Variants in PARD3 observed in about 807,000 individuals in gnomAD.
The protein encoded by PARD3 is partitioning defective 3 homolog.
In PARD3, 75 loss-of-function variants were observed where a neutral mutation model predicts 155.4. The observed-to-expected ratio is 0.48, with a 90% CI of 0.40 to 0.58. The LOEUF is 0.58. PARD3 is among the 20% of genes least tolerant of loss of function. The pLI is 0.00. For synonymous variants in PARD3, 576 were observed against 610.5 expected (o/e 0.94, Z 0.83); for missense variants, 1,642 against 1,721.7 (o/e 0.95, Z 0.82).
At chr10:34,146,004 G>T (rs1377954607) in intron 22 of PARD3, among the ~76,000 whole-genome samples, 1 of 152,158 alleles carries the variant, frequency 6.6e-6, no homozygotes, top group Non-Finnish European at 1.5e-5. Context: ...CTTCCGAAGA[G>T]AATCTAGCAA....
intron 5 of PARD3, among the ~76,000 whole-genome samples, chr10:34,413,544 A>G (rs1401603986): frequency 1.3e-5 from 2 of 152,020 alleles, no homozygotes; most frequent in Non-Finnish European, 2.9e-5. Context: ...AATTTCTAAA[A>G]TAAGTCTCAT....
intron 22 of PARD3, among the ~76,000 whole-genome samples, chr10:34,250,999 T>C (rs998026297): frequency 1.3e-5 from 2 of 152,264 alleles, no homozygotes; most frequent in South Asian, 2.1e-4. Context: ...TCCTCTAATA[T>C]CATAAACCTC....
chr10:34,732,286 A>C (rs1448397120), intron 1 of PARD3, among the ~76,000 whole-genome samples: 1 of 152,234 alleles, frequency 6.6e-6, no homozygotes, highest in Non-Finnish European at 1.5e-5. Context: ...CAAAAGTAGT[A>C]AAATGGAGAC....
intron 2 of PARD3, among the ~76,000 whole-genome samples, chr10:34,575,890 C>T (rs2086846254): frequency 6.6e-6 from 1 of 152,006 alleles, no homozygotes; most frequent in Admixed American, 6.5e-5. Flanking sequence ...GAGTGAAACT[C>T]CGTCTCAAAA....
chr10:34,345,708 T>C (rs1589249918), intron 15 of PARD3: 3 of 985,400 alleles, frequency 3.0e-6, no homozygotes, highest in African/African-American at 3.5e-5. Context: ...ACGGTGTGAT[T>C]TGTCAAGTTT....
chr10:34,786,631 G>A (rs748032154), intron 1 of PARD3, among the ~76,000 whole-genome samples: 3 of 152,094 alleles, frequency 2.0e-5, no homozygotes, highest in Non-Finnish European at 4.4e-5. Flanking sequence ...AGAAAGAAAT[G>A]GAATGTGCCT....
At chr10:34,814,484 C>T (rs993950735) in intron 1 of PARD3, among the ~76,000 whole-genome samples, 4 of 152,054 alleles carry the variant, frequency 2.6e-5, no homozygotes, top group Admixed American at 6.5e-5. Flanking sequence ...GCCTGGGAGC[C>T]GGGAAAGGCC....
At chr10:34,120,150 G>A (rs1416957025) in intron 23 of PARD3, among the ~76,000 whole-genome samples, 2 of 149,068 alleles carry the variant, frequency 1.3e-5, no homozygotes, top group Non-Finnish European at 3.0e-5. Flanking sequence ...CCGAGTAACC[G>A]GGATTACAAG....
At chr10:34,622,278 C>G (rs754283828) in intron 2 of PARD3, among the ~76,000 whole-genome samples, 4 of 152,158 alleles carry the variant, frequency 2.6e-5, no homozygotes, top group Non-Finnish European at 5.9e-5. Flanking sequence ...CAGATTTATA[C>G]ATTTTGCATG....
chr10:34,761,874 G>T (rs1223646175), intron 1 of PARD3, among the ~76,000 whole-genome samples: 1 of 152,194 alleles, frequency 6.6e-6, no homozygotes, highest in African/African-American at 2.4e-5. Flanking sequence ...CAGGGAGGAT[G>T]ATGTGTCAAG....
chr10:34,557,124 T>C (rs757982014), intron 2 of PARD3, among the ~76,000 whole-genome samples: 3 of 152,160 alleles, frequency 2.0e-5, no homozygotes, highest in South Asian at 2.1e-4. Context: ...CCAGATAATA[T>C]TGACTCCATG....
At chr10:34,467,467 G>C (rs1328044477) in intron 4 of PARD3, among the ~76,000 whole-genome samples, 2 of 152,012 alleles carry the variant, frequency 1.3e-5, no homozygotes, top group African/African-American at 4.8e-5. Flanking sequence ...TAAAACAACA[G>C]GCTGGGCATG....
At chr10:34,560,532 T>A (rs998248870) in intron 2 of PARD3, among the ~76,000 whole-genome samples, 7 of 152,220 alleles carry the variant, frequency 4.6e-5, no homozygotes, top group Admixed American at 1.3e-4. Context: ...AACACATTTG[T>A]TTTTTGGTTC....
intron 2 of PARD3, among the ~76,000 whole-genome samples, chr10:34,602,239 CTTTTCAA>C (rs1439855390): frequency 1.3e-5 from 2 of 152,102 alleles, no homozygotes; most frequent in African/African-American, 4.8e-5. Context: ...ACACTTTTCA[CTTTTCAA>C]AAAAAATTTC....
intron 2 of PARD3, among the ~76,000 whole-genome samples, chr10:34,630,770 G>A (rs1352565543): frequency 2.0e-5 from 3 of 151,490 alleles, no homozygotes; most frequent in African/African-American, 7.3e-5. Context: ...TGTGCTAGGA[G>A]GAGCAAACAC....
chr10:34,384,277 G>C (rs1294948274), intron 7 of PARD3, 23 bp from the exon 8 acceptor site: 2 of 1,606,452 alleles, frequency 1.2e-6, no homozygotes, highest in Non-Finnish European at 1.7e-6. Flanking sequence ...GAATGCAAAT[G>C]ATTACACATG....
At chr10:34,224,639 C>T (rs751487353) in intron 22 of PARD3, among the ~76,000 whole-genome samples, 6 of 152,192 alleles carry the variant, frequency 3.9e-5, no homozygotes, top group Non-Finnish European at 7.3e-5. Context: ...GTGCACAGGG[C>T]GGGCAGAGGG....
intron 1 of PARD3, among the ~76,000 whole-genome samples, chr10:34,715,108 C>A (rs1590785507): frequency 6.7e-6 from 1 of 149,838 alleles, no homozygotes; most frequent in African/African-American, 2.5e-5. Flanking sequence ...GACAAGGTCT[C>A]GCTCTGTCAC....
chr10:34,363,735 A>C (rs1469364127), intron 12 of PARD3, among the ~76,000 whole-genome samples: 2 of 152,034 alleles, frequency 1.3e-5, no homozygotes, highest in Admixed American at 6.6e-5. Context: ...CTTTTCTTTA[A>C]CTCACTCCTC....
Sources: allele counts gnomAD v4.1 joint callset (sites outside exome capture counted in the v4.1 genomes callset), GRCh38; gene constraint gnomAD v4.1.1; transcripts MANE v1.5; gene names NCBI Gene and HGNC (gene_info 2026-07-23, HGNC 2026-07-21).